Variants in KCNMA1 observed in about 807,000 individuals in gnomAD.
KCNMA1 encodes the protein potassium calcium-activated channel subfamily M alpha 1.
A neutral mutation model predicts 140.0 loss-of-function variants in KCNMA1; 29 were observed. That is an observed-to-expected ratio of 0.21 (90% confidence interval 0.15 to 0.28). KCNMA1 has a LOEUF of 0.28. KCNMA1 is among the 10% of genes least tolerant of loss of function. The pLI, the probability that KCNMA1 is intolerant of heterozygous loss-of-function variation, is 1.00. For missense variants in KCNMA1, 880 were observed against 1,602.2 expected, an observed-to-expected ratio of 0.55 and a Z score of 7.70; for synonymous variants, 612 against 611.9, an observed-to-expected ratio of 1.00 and a Z score of 0.00.
At chr10:77,618,937 A>C (rs2090475299) in intron 1 of KCNMA1, among the ~76,000 whole-genome samples, 1 of 152,232 alleles carries the variant, frequency 6.6e-6, no homozygotes, top group African/African-American at 2.4e-5. Context: ...CAGTGTGAAC[A>C]GCATGTGTGA....
chr10:76,916,979 A>C (rs1207045528), intron 23 of KCNMA1, among the ~76,000 whole-genome samples: 1 of 152,230 alleles, frequency 6.6e-6, no homozygotes, highest in Non-Finnish European at 1.5e-5. Context: ...TTAATACACT[A>C]TGAAAAGGGT....
intron 23 of KCNMA1, among the ~76,000 whole-genome samples, chr10:76,923,334 C>T (rs1272310552): frequency 3.3e-5 from 5 of 150,520 alleles, no homozygotes; most frequent in African/African-American, 4.9e-5. Context: ...GAGGCTGAGG[C>T]AGGAAAATGG....
intron 8 of KCNMA1, among the ~76,000 whole-genome samples, chr10:77,109,304 C>G (rs2097264388): frequency 6.6e-6 from 1 of 152,050 alleles, no homozygotes; most frequent in Admixed American, 6.5e-5. Flanking sequence ...GCATACAAAA[C>G]AGAGAGAGGT....
At chr10:76,893,916 T>C (rs1178024546) in intron 25 of KCNMA1, among the ~76,000 whole-genome samples, 1 of 152,178 alleles carries the variant, frequency 6.6e-6, no homozygotes, top group African/African-American at 2.4e-5. Context: ...ACTACCTTAA[T>C]TTCCAGATTT....
chr10:77,168,853 C>T (rs1163765776), intron 5 of KCNMA1, among the ~76,000 whole-genome samples: 2 of 152,184 alleles, frequency 1.3e-5, no homozygotes, highest in African/African-American at 4.8e-5. Flanking sequence ...GACCAGGGAT[C>T]AGCAAACTTT....
intron 1 of KCNMA1, among the ~76,000 whole-genome samples, chr10:77,423,252 G>C (rs1770155891): frequency 6.6e-6 from 1 of 152,224 alleles, no homozygotes; most frequent in Non-Finnish European, 1.5e-5. Context: ...AGGAGACTTG[G>C]CTTTGCCCTA....
intron 2 of KCNMA1, among the ~76,000 whole-genome samples, chr10:77,401,548 C>G (rs56877136): frequency 0.2 from 29,954 of 152,110 alleles, 3,242 homozygotes; most frequent in Non-Finnish European, 0.25. Context: ...TTTCCCAGAG[C>G]GCCAGGCTCC....
chr10:77,358,317 T>A (rs189776976), intron 2 of KCNMA1, among the ~76,000 whole-genome samples: 62 of 152,282 alleles, frequency 4.1e-4, no homozygotes, highest in Non-Finnish European at 1.6e-4. Context: ...TGGTCTTTGA[T>A]AAGCCTACAT....
At chr10:77,425,873 C>T (rs575772771) in intron 1 of KCNMA1, among the ~76,000 whole-genome samples, 1 of 152,258 alleles carries the variant, frequency 6.6e-6, no homozygotes, top group East Asian at 1.9e-4. Context: ...CTGTGTTCAT[C>T]GCGGTGCTTT....
intron 16 of KCNMA1, chr10:77,020,720 A>C (rs2092738935): frequency 6.6e-6 from 1 of 152,198 alleles, no homozygotes. Flanking sequence ...TTATCTTTCA[A>C]AGCCAATTCA....
chr10:77,090,579 A>G, intron 9 of KCNMA1, 69 bp from the exon 10 acceptor site: 1 of 991,432 alleles, frequency 1.0e-6, no homozygotes, highest in Non-Finnish European at 1.6e-6. Context: ...CCCCCTGGCA[A>G]GACAGCAGAA....
intron 1 of KCNMA1, among the ~76,000 whole-genome samples, chr10:77,611,822 C>T (rs1256283169): frequency 6.6e-6 from 1 of 152,042 alleles, no homozygotes; most frequent in Non-Finnish European, 1.5e-5. Flanking sequence ...ATTCATGGGG[C>T]GAGGTACTGT....
chr10:77,414,562 G>C (rs2096693839), intron 1 of KCNMA1, among the ~76,000 whole-genome samples: 1 of 152,140 alleles, frequency 6.6e-6, no homozygotes, highest in African/African-American at 2.4e-5. Context: ...TGCAATCTCA[G>C]CTCACTGCAG....
intron 2 of KCNMA1, among the ~76,000 whole-genome samples, chr10:77,376,100 G>C: frequency 6.6e-6 from 1 of 152,152 alleles, no homozygotes; most frequent in East Asian, 1.9e-4. Context: ...GACAGGCCAC[G>C]GTCCTTGGTC....
At chr10:76,995,738 T>G (rs1170756637) in intron 19 of KCNMA1, 1 of 467,516 alleles carries the variant, frequency 2.1e-6, no homozygotes, top group Non-Finnish European at 4.4e-6. Context: ...CAAACATAAT[T>G]TCTATGTCAC....
At chr10:76,962,370 C>G (rs1450341550) in intron 20 of KCNMA1, among the ~76,000 whole-genome samples, 2 of 152,270 alleles carry the variant, frequency 1.3e-5, no homozygotes, top group South Asian at 2.1e-4. Context: ...CACGATAAGG[C>G]CTTTTCTGTC....
At chr10:77,386,119 T>C (rs1316503845) in intron 2 of KCNMA1, among the ~76,000 whole-genome samples, 1 of 152,196 alleles carries the variant, frequency 6.6e-6, no homozygotes, top group Non-Finnish European at 1.5e-5. Flanking sequence ...GAGTGGCACA[T>C]GGGTGCTCTA....
rs539902909 is a variant in KCNMA1 at position 77,127,307 on chromosome 10, A to C, written c.809-6259T>G. 1.1e-4 allele frequency among the ~76,000 whole-genome samples: 16 copies of C among 152,250 alleles called. No homozygotes were observed. The South Asian group carries it at 3.1e-3, about 30-fold the overall frequency. On this transcript the variant is annotated intron_variant, in intron 5 of 27. Transcript: ENST00000286628. Reference sequence around the variant, plus strand: ...ATAGCTAAGGAGACACAAATGAGACAGTGTATCCAGCATAGTTTGAAAGCA... The same window carrying C: ...ATAGCTAAGGAGACACAAATGAGACCGTGTATCCAGCATAGTTTGAAAGCA...
chr10:77,624,784 C>T (rs1176957282), intron 1 of KCNMA1, among the ~76,000 whole-genome samples: 1 of 152,096 alleles, frequency 6.6e-6, no homozygotes, highest in Non-Finnish European at 1.5e-5. Flanking sequence ...CCCTTAACTT[C>T]ACTCTAAGAG....
Sources: gnomAD v4.1 joint callset for allele counts (sites outside exome capture counted in the v4.1 genomes callset) on GRCh38, gnomAD v4.1.1 for gene constraint, MANE v1.5 for transcripts, NCBI Gene and HGNC (gene_info 2026-07-23, HGNC 2026-07-21) for gene names.